Variants in FAT3 observed in about 807,000 individuals in gnomAD.
FAT3 encodes the protein FAT atypical cadherin 3, also known as protocadherin Fat 3.
FAT3 carries 95 observed loss-of-function variants against 310.2 expected under a neutral mutation model. That is an observed-to-expected ratio of 0.31 (90% CI 0.26 to 0.36). FAT3 has a LOEUF of 0.36. Ranked by LOEUF, FAT3 falls within the 10% of genes least tolerant of loss-of-function variation. The pLI, the probability that FAT3 is intolerant of heterozygous loss-of-function variation, is 1.00. For synonymous variants in FAT3, 2,314 were observed against 2,192.9 expected, an observed-to-expected ratio of 1.06 and a Z score of -1.54; for missense variants, 5,408 against 5,715.6, an observed-to-expected ratio of 0.95 and a Z score of 1.74.
At chr11:92,392,552 A>G (rs776713105) in intron 2 of FAT3, among the ~76,000 whole-genome samples, 3 of 151,988 alleles carry the variant, frequency 2.0e-5, no homozygotes, top group African/African-American at 7.2e-5. Flanking sequence ...TCCCCAATCT[A>G]TACTAAATGC....
chr11:92,427,745 T>A (rs763384384), intron 2 of FAT3, among the ~76,000 whole-genome samples: 6 of 152,204 alleles, frequency 3.9e-5, no homozygotes, highest in Non-Finnish European at 7.3e-5. Flanking sequence ...GATAAGCTTT[T>A]TAATGTACTC....
Position 92,524,767 on chromosome 11 carries a change from T to C in FAT3, c.3426T>C (p.Asn1142=), listed in dbSNP as rs767825015. ...TCTACATTGAAGTTGAAGATGTGAA[T>C]GACAATGCCCCGCTGACCTCAGAAC... ...IEVYIEVEDV[N]DNAPLTSEPI... Residue 1142 remains asparagine, a synonymous_variant, in exon 3 of 28, where the codon AAT becomes AAC. Transcript: ENST00000525166. 179 of 1,613,746 alleles carry C rather than the reference T, an allele frequency of 1.1e-4. No homozygotes were observed. The highest frequency in any genetic ancestry group is 1.5e-4 in the Non-Finnish European group (175 of 1,179,854).
chr11:92,658,336 A>G (rs1023867778), intron 3 of FAT3, among the ~76,000 whole-genome samples: 3 of 152,228 alleles, frequency 2.0e-5, no homozygotes, highest in African/African-American at 7.2e-5. Flanking sequence ...AATTAAGTGA[A>G]ATTTACAAGT....
intron 3 of FAT3, among the ~76,000 whole-genome samples, chr11:92,563,124 C>A (rs772844230): frequency 6.6e-6 from 1 of 152,130 alleles, no homozygotes; most frequent in African/African-American, 2.4e-5. Context: ...TTCTTTGTTA[C>A]GTTGTACCCA....
intron 1 of FAT3, among the ~76,000 whole-genome samples, chr11:92,262,570 G>A (rs1865600303): frequency 6.6e-6 from 1 of 152,092 alleles, no homozygotes; most frequent in South Asian, 2.1e-4. Context: ...AATTAGGCAA[G>A]TTTCTTTCCC....
intron 3 of FAT3, among the ~76,000 whole-genome samples, chr11:92,676,500 A>G (rs998327180): frequency 3.3e-5 from 5 of 152,214 alleles, no homozygotes; most frequent in Admixed American, 6.5e-5. Flanking sequence ...AAGAAATGGC[A>G]GGTCTTATAT....
At chr11:92,237,651 A>G (rs1864487134) in intron 1 of FAT3, among the ~76,000 whole-genome samples, 1 of 152,122 alleles carries the variant, frequency 6.6e-6, no homozygotes, top group African/African-American at 2.4e-5. Flanking sequence ...AAGACCTGTC[A>G]TCTGTGAATG....
chr11:92,419,252 G>T (rs1255630438), intron 2 of FAT3, among the ~76,000 whole-genome samples: 1 of 152,292 alleles, frequency 6.6e-6, no homozygotes, highest in African/African-American at 2.4e-5. Context: ...CTGAATGTTT[G>T]TGTTGCTATT....
chr11:92,277,193 G>C (rs962797770), intron 1 of FAT3, among the ~76,000 whole-genome samples: 5 of 152,072 alleles, frequency 3.3e-5, no homozygotes, highest in African/African-American at 1.2e-4. Context: ...TTAAATGCCA[G>C]GAAAAAACTA....
At chr11:92,632,576 G>T (rs146908185) in intron 3 of FAT3, among the ~76,000 whole-genome samples, 1 of 152,238 alleles carries the variant, frequency 6.6e-6, no homozygotes, top group Non-Finnish European at 1.5e-5. Context: ...GCAGGCAGAA[G>T]GTGAGGCCTC....
chr11:92,631,995 TG>T (rs1477502997), intron 3 of FAT3, among the ~76,000 whole-genome samples: 1 of 152,202 alleles, frequency 6.6e-6, no homozygotes, highest in African/African-American at 2.4e-5. Context: ...TGTAGTTTCT[TG>T]GAGGAAATAT....
chr11:92,287,621 A>G (rs1348808724), intron 1 of FAT3, among the ~76,000 whole-genome samples: 2 of 152,154 alleles, frequency 1.3e-5, no homozygotes, highest in Admixed American at 1.3e-4. Flanking sequence ...AATCTATTTC[A>G]TGTTTCTCCT....
intron 22 of FAT3, 43 bp downstream of exon 22, chr11:92,867,252 G>A (rs1309171883): frequency 1.3e-6 from 2 of 1,494,554 alleles, no homozygotes; most frequent in East Asian, 2.4e-5. Flanking sequence ...GGGGTTTGAG[G>A]GGAGAGTGAA....
intron 27 of FAT3, among the ~76,000 whole-genome samples, chr11:92,890,163 T>C (rs1313756094): frequency 6.6e-6 from 1 of 152,224 alleles, no homozygotes; most frequent in Admixed American, 6.5e-5. Context: ...GTTGCCAGTC[T>C]GGCTCTGCAA....
At chr11:92,673,759 A>G (rs934163594) in intron 3 of FAT3, among the ~76,000 whole-genome samples, 1 of 152,140 alleles carries the variant, frequency 6.6e-6, no homozygotes, top group Admixed American at 6.6e-5. Flanking sequence ...AATTTAAAAA[A>G]ATTTTCAGGA....
At chr11:92,684,702 A>G (rs569671598) in intron 3 of FAT3, among the ~76,000 whole-genome samples, 3 of 152,140 alleles carry the variant, frequency 2.0e-5, no homozygotes, top group African/African-American at 7.2e-5. Flanking sequence ...CTAGATATAG[A>G]TGCTTATGGC....
intron 2 of FAT3, among the ~76,000 whole-genome samples, chr11:92,452,113 G>C (rs558468616): frequency 6.6e-6 from 1 of 152,266 alleles, no homozygotes; most frequent in East Asian, 1.9e-4. Flanking sequence ...GAAATTAACT[G>C]TTTGCTTTCA....
chr11:92,545,742 A>G (rs945541385), intron 3 of FAT3, among the ~76,000 whole-genome samples: 2 of 152,152 alleles, frequency 1.3e-5, no homozygotes, highest in Non-Finnish European at 2.9e-5. Context: ...CCTTTTCTCT[A>G]CTGTCCTGGT....
At chr11:92,674,593 G>GCTCCCTGCAGCCTTGAA (rs2135836252) in intron 3 of FAT3, among the ~76,000 whole-genome samples, 1 of 152,048 alleles carries the variant, frequency 6.6e-6, no homozygotes, top group African/African-American at 2.4e-5. Flanking sequence ...CGTGACCAGA[G>GCTCCCTGCAGCCTTGAA]CTCCCTGCAG....
Sources: allele counts gnomAD v4.1 joint callset (sites outside exome capture counted in the v4.1 genomes callset), GRCh38; gene constraint gnomAD v4.1.1; transcripts MANE v1.5; gene names NCBI Gene and HGNC (gene_info 2026-07-23, HGNC 2026-07-21).